The following SLC43A2 variants were observed in gnomAD, a reference collection of about 807,000 sequenced individuals.
SLC43A2 encodes solute carrier family 43 member 2, also known as large neutral amino acids transporter small subunit 4.
Under a neutral mutation model 63.2 loss-of-function variants are expected in SLC43A2, and 38 were observed. The ratio of observed to expected loss-of-function variants is 0.60; its 90% CI spans 0.46 to 0.79. The LOEUF (loss-of-function observed/expected upper bound fraction) is 0.79, where lower values mean the gene tolerates loss of function less well. SLC43A2 is among the 30% of genes least tolerant of loss of function. The pLI is 0.00. For synonymous variants in SLC43A2, 322 were observed against 331.0 expected, an observed-to-expected ratio of 0.97 and a Z score of 0.30; for missense variants, 644 against 756.2, an observed-to-expected ratio of 0.85 and a Z score of 1.74.
intron 2 of SLC43A2, among the ~76,000 whole-genome samples, chr17:1,627,117 G>T (rs1908727825): frequency 6.6e-6 from 1 of 152,212 alleles, no homozygotes; most frequent in South Asian, 2.1e-4. Context: ...ATCCCCATGG[G>T]GTTGGAAAGC....
Position 1,585,004 on chromosome 17 carries a change from G to A in SLC43A2, c.1217+909C>T, listed in dbSNP as rs1241309813. On this transcript the variant is annotated intron_variant, in intron 10 of 13. Transcript: ENST00000301335. The stretch of plus-strand genomic sequence containing the variant: ...CAAACTGACCGGAATAAACCTTGCA[G>A]GCAGATAACAAAGGGTTGGTGGGCT... 2.0e-5 allele frequency among the ~76,000 whole-genome samples: 3 copies of A among 152,010 alleles called. No individual in the cohort carries two copies. In the South Asian group the frequency reaches 6.2e-4, roughly 32 times the overall value.
Position 1,577,233 on chromosome 17 carries a change from C to T in SLC43A2, c.1425-513G>A, listed in dbSNP as rs774314532. 6.6e-6 allele frequency among the ~76,000 whole-genome samples: 1 copy of T among 152,160 alleles called. No homozygotes were observed. Among genetic ancestry groups the T allele is most frequent in the South Asian group, 2.1e-4 (1 of 4,832 alleles). On this transcript the variant is annotated intron_variant, in intron 12 of 13. Transcript: ENST00000301335. The surrounding 1 kb of genome is among the most constrained non-coding windows in gnomAD (Gnocchi z 4.9). ...GGCCCCAGACTCTGGGGAGGGCCCACCCCACTCAGCTGTGCCCAGGGCCTG... is the reference window on the plus strand; with the variant it reads ...GGCCCCAGACTCTGGGGAGGGCCCATCCCACTCAGCTGTGCCCAGGGCCTG...
At chr17:1,596,778 G>T (rs1311202657) in intron 5 of SLC43A2, among the ~76,000 whole-genome samples, 3 of 151,978 alleles carry the variant, frequency 2.0e-5, no homozygotes, top group Non-Finnish European at 4.4e-5. Context: ...TTTTAAATGG[G>T]CAAAGGATCT....
chr17:1,590,841 T>C lies in SLC43A2; in HGVS notation c.1039A>G (p.Asn347Asp), dbSNP rs1904693418. 1 of 1,556,196 alleles carries C rather than the reference T, an allele frequency of 6.4e-7. No homozygotes were observed. The highest frequency in any genetic ancestry group is 1.2e-5 in the South Asian group (1 of 84,412). Residue 347 changes from asparagine (N) to aspartate (D), a missense_variant, in exon 9 of 14, where the codon AAC becomes GAC. Asn to Asp is a conservative substitution (Grantham distance 23, BLOSUM62 1). This residue lies in a region of SLC43A2 where 528 missense variants were observed against 623.6 expected (regional missense o/e 0.85). Coordinates refer to ENST00000301335, the MANE Select transcript of SLC43A2 (RefSeq NM_152346.3). The stretch of plus-strand genomic sequence containing the variant: ...CCGCTGACCAGGAACTTGAGGATGT[T>C]GTTCATAGCCCCCATGTAGAAGATG... ...RLIFYMGAMN[N>D]ILKFLVSGDQ...
At chr17:1,604,199 C>A (rs1189442931) in intron 5 of SLC43A2, among the ~76,000 whole-genome samples, 1 of 151,540 alleles carries the variant, frequency 6.6e-6, no homozygotes, top group African/African-American at 2.4e-5. Context: ...TGCCACTACG[C>A]CACGATGCCC....
At chr17:1,616,538 G>A (rs1432532445) in intron 3 of SLC43A2, 24 bp downstream of exon 3, 11 of 1,590,604 alleles carry the variant, frequency 6.9e-6, no homozygotes, top group Admixed American at 1.8e-5. Flanking sequence ...CCCACTCCCT[G>A]CCCCCTAAGG....
intron 9 of SLC43A2, among the ~76,000 whole-genome samples, chr17:1,590,142 T>C (rs528589144): frequency 3.3e-5 from 5 of 152,292 alleles, no homozygotes; most frequent in Admixed American, 1.3e-4. Context: ...CGCCTGGGGA[T>C]GACTAAGGCT....
At position 1,604,571 on chromosome 17, in the gene SLC43A2, T is replaced by A. The variant is rs950405639; in HGVS notation, c.501+8624A>T. ...TGCTGAACTTAGTGTAGACATCTCA[T>A]CAACACAGCACGCTATTGTGCAGAA... On this transcript the variant is annotated intron_variant, in intron 5 of 13. Coordinates refer to ENST00000301335, the MANE Select transcript of SLC43A2 (RefSeq NM_152346.3). 30 of 699,694 alleles carry A rather than the reference T, an allele frequency of 4.3e-5. No homozygotes were observed. The Middle Eastern group carries it at 1.5e-3, about 34-fold the overall frequency. 43.3% of individuals were successfully genotyped at this position (699,694 alleles called of 1,614,324 possible). A position where few individuals can be genotyped will look rare whatever the true frequency, so the allele number is the denominator to read the frequency against.
intron 6 of SLC43A2, among the ~76,000 whole-genome samples, chr17:1,592,970 C>T (rs1291130110): frequency 6.6e-6 from 1 of 152,200 alleles, no homozygotes; most frequent in Non-Finnish European, 1.5e-5. Context: ...GCAAAGGCAC[C>T]TGCGGCAGAT....
Position 1,593,178 on chromosome 17 carries a change from C to T in SLC43A2, c.594+9G>A, listed in dbSNP as rs200711546. On this transcript the variant is annotated intron_variant, in intron 6 of 13. Transcript: ENST00000301335. This position sits in a 1 kb window ranked among gnomAD's most constrained non-coding sequence, Gnocchi z 5.3. ...TGCACAGACACCAGTGCAAAATACACGTGCTCACCTTGATTCCTGGAAAGG... is the reference window on the plus strand; with the variant it reads ...TGCACAGACACCAGTGCAAAATACATGTGCTCACCTTGATTCCTGGAAAGG... 44 of 1,612,114 alleles carry T rather than the reference C, an allele frequency of 2.7e-5. No individual in the cohort carries two copies. Among genetic ancestry groups the T allele is most frequent in the East Asian group, 8.9e-5 (4 of 44,874 alleles).
At chr17:1,604,949 GC>G in intron 5 of SLC43A2, 1 of 1,499,446 alleles carries the variant, frequency 6.7e-7, no homozygotes, top group East Asian at 2.5e-5. Flanking sequence ...CGGAGTGAGG[GC>G]TGAGCGCTGA....
chr17:1,594,789 C>G (rs548674229), intron 5 of SLC43A2, among the ~76,000 whole-genome samples: 2 of 151,348 alleles, frequency 1.3e-5, no homozygotes, highest in South Asian at 4.2e-4. Flanking sequence ...GGGGTTTCAC[C>G]ACGTTAGCCA....
rs1056938563 is a variant in SLC43A2, at chr17:1,583,441, A to G, written c.1218-105T>C. On this transcript the variant is annotated intron_variant, in intron 10 of 13. Coordinates refer to ENST00000301335, the MANE Select transcript of SLC43A2 (RefSeq NM_152346.3). This position sits in a 1 kb window ranked among gnomAD's most constrained non-coding sequence, Gnocchi z 5.5. ...GTCGCAGCAGGTAAACTGACGCAAG[A>G]CTCAGAAGCCACCCAGGCACGTTTT... 1.6e-5 allele frequency: 25 copies of G among 1,548,010 alleles called. No individual in the cohort carries two copies. The highest frequency in any genetic ancestry group is 2.1e-5 in the Non-Finnish European group (24 of 1,147,520).
chr17:1,619,161 C>T (rs899371723), intron 2 of SLC43A2, among the ~76,000 whole-genome samples: 1 of 151,794 alleles, frequency 6.6e-6, no homozygotes, highest in Admixed American at 6.6e-5. Flanking sequence ...AAAAATTAGC[C>T]GGGCATGGTG....
intron 12 of SLC43A2, 118 bp from the exon 13 acceptor site, chr17:1,576,838 G>T (rs910806175): frequency 1.6e-6 from 2 of 1,281,918 alleles, no homozygotes; most frequent in African/African-American, 1.5e-5. Context: ...GCCAGCCCTC[G>T]GATTCCTTCC....
intron 2 of SLC43A2, among the ~76,000 whole-genome samples, chr17:1,627,359 T>A (rs1455974003): frequency 6.6e-6 from 1 of 151,968 alleles, no homozygotes; most frequent in Non-Finnish European, 1.5e-5. Flanking sequence ...GACAGCAACA[T>A]GTTTACTACC....
At chr17:1,588,144 A>T (rs1158640203) in intron 9 of SLC43A2, among the ~76,000 whole-genome samples, 2 of 152,196 alleles carry the variant, frequency 1.3e-5, no homozygotes, top group African/African-American at 2.4e-5. Flanking sequence ...CACGCCTGTA[A>T]TCTCAGCACT....
intron 5 of SLC43A2, among the ~76,000 whole-genome samples, chr17:1,608,163 G>A (rs1308212540): frequency 6.6e-6 from 1 of 152,156 alleles, no homozygotes; most frequent in Non-Finnish European, 1.5e-5. Context: ...AACAGGCAGT[G>A]GTCTGGATTT....
At chr17:1,603,462 C>T (rs956167336) in intron 5 of SLC43A2, among the ~76,000 whole-genome samples, 1 of 151,538 alleles carries the variant, frequency 6.6e-6, no homozygotes, top group African/African-American at 2.4e-5. Flanking sequence ...ACACTTTTGA[C>T]CACCTATTTA....
Sources: allele counts gnomAD v4.1 joint callset (sites outside exome capture counted in the v4.1 genomes callset), GRCh38; gene constraint gnomAD v4.1.1; regional missense constraint gnomAD v4.1.1; non-coding constraint Gnocchi (gnomAD v3.1); transcripts MANE v1.5; gene names NCBI Gene and HGNC (gene_info 2026-07-23, HGNC 2026-07-21).